The following NRXN1 variants were observed in gnomAD, a reference collection of about 807,000 sequenced individuals.
The protein encoded by NRXN1 is neurexin-1.
NRXN1 carries 39 observed loss-of-function variants against 150.9 expected under a neutral mutation model. The observed-to-expected ratio is 0.26, with a 90% CI of 0.20 to 0.34. The LOEUF (loss-of-function observed/expected upper bound fraction) is 0.34. NRXN1 is among the 10% of genes least tolerant of loss of function. NRXN1 has a pLI of 1.00. For synonymous variants in NRXN1, 924 were observed against 757.0 expected (o/e 1.22, Z -3.62); for missense variants, 1,815 against 1,949.9 (o/e 0.93, Z 1.30).
intron 18 of NRXN1, among the ~76,000 whole-genome samples, chr2:50,200,237 C>T (rs978690244): frequency 6.6e-6 from 1 of 152,136 alleles, no homozygotes; most frequent in Admixed American, 6.5e-5. Context: ...GCCTACTAGA[C>T]TTATTTCTTG....
At chr2:50,742,418 G>A (rs1699539183) in intron 5 of NRXN1, among the ~76,000 whole-genome samples, 1 of 151,516 alleles carries the variant, frequency 6.6e-6, no homozygotes, top group Non-Finnish European at 1.5e-5. Context: ...AAAGTCAGGG[G>A]CTCAAGACCA....
intron 17 of NRXN1, among the ~76,000 whole-genome samples, chr2:50,409,265 C>T (rs1315391150): frequency 6.6e-6 from 1 of 152,208 alleles, no homozygotes; most frequent in East Asian, 1.9e-4. Context: ...CCATTTACCC[C>T]ACCCTTCGAG....
At chr2:50,660,971 G>A (rs1340461675) in intron 5 of NRXN1, among the ~76,000 whole-genome samples, 1 of 151,988 alleles carries the variant, frequency 6.6e-6, no homozygotes, top group Non-Finnish European at 1.5e-5. Context: ...AAATATCATT[G>A]CAAGTTCTTT....
chr2:51,019,772 T>C (rs1669305322), intron 2 of NRXN1, among the ~76,000 whole-genome samples: 2 of 152,072 alleles, frequency 1.3e-5, no homozygotes, highest in Admixed American at 6.6e-5. Flanking sequence ...TAAGAACCTA[T>C]GTTTTATTTC....
chr2:50,884,743 T>G (rs1348490623), intron 5 of NRXN1, among the ~76,000 whole-genome samples: 2 of 151,602 alleles, frequency 1.3e-5, no homozygotes, highest in African/African-American at 4.8e-5. Context: ...TGCTTTAAAC[T>G]AAGTTGCAGT....
intron 12 of NRXN1, among the ~76,000 whole-genome samples, chr2:50,513,155 T>G (rs2092517486): frequency 6.6e-6 from 1 of 152,168 alleles, no homozygotes; most frequent in Non-Finnish European, 1.5e-5. Context: ...ATATAACAAA[T>G]CTAATGTGTT....
Position 50,166,584 on chromosome 2 carries a change from T to A in NRXN1, c.3546+70205A>T, listed in dbSNP as rs1016203093. ...CACAGACATGTGATCTACAGAAATG[T>A]AAGCTAAAAAAATATATGTGTTTTT... On this transcript the variant is annotated intron_variant, in intron 18 of 22. Transcript: ENST00000401669. Among the ~76,000 whole-genome samples, 95 of 151,840 alleles carry A rather than the reference T, an allele frequency of 6.3e-4. 1 individual carries two copies. The highest frequency in any genetic ancestry group is 2.3e-3 in the African/African-American group (93 of 41,166).
At chr2:50,374,367 C>T (rs566210100) in intron 17 of NRXN1, among the ~76,000 whole-genome samples, 32 of 151,628 alleles carry the variant, frequency 2.1e-4, no homozygotes, top group African/African-American at 7.5e-4. Flanking sequence ...CATTTGGCTT[C>T]CTTTTACTTG....
chr2:51,015,459 C>G (rs747969842), intron 2 of NRXN1, among the ~76,000 whole-genome samples: 20 of 151,820 alleles, frequency 1.3e-4, no homozygotes, highest in African/African-American at 7.3e-5. Context: ...TGTCTTGGGT[C>G]GAGGAGAAGG....
chr2:50,294,324 T>C (rs1398301876), intron 17 of NRXN1, among the ~76,000 whole-genome samples: 2 of 152,240 alleles, frequency 1.3e-5, no homozygotes, highest in South Asian at 2.1e-4. Flanking sequence ...GTTTCTGCTA[T>C]GCTTAAACAA....
chr2:50,504,811 AT>A (rs969077082), intron 13 of NRXN1, among the ~76,000 whole-genome samples: 3 of 152,236 alleles, frequency 2.0e-5, no homozygotes, highest in African/African-American at 7.2e-5. Flanking sequence ...TCAAAAGGCC[AT>A]TCTAGCACCA....
intron 21 of NRXN1, among the ~76,000 whole-genome samples, chr2:49,995,676 G>A (rs927024540): frequency 6.6e-6 from 1 of 151,018 alleles, no homozygotes; most frequent in African/African-American, 2.4e-5. Context: ...AGCTACTCGG[G>A]AGGCTGAGGC....
chr2:50,829,580 G>A lies in NRXN1; in HGVS notation c.832+92289C>T, dbSNP rs1671094231. 3.7e-6 allele frequency: 6 copies of A among 1,611,980 alleles called. No individual in the cohort carries two copies. In the Middle Eastern group the frequency reaches 6.6e-4, roughly 177 times the overall value. ...TTTTCTTAAACTGAAGGTCCATGTA[G>A]CCATCGTCTGTGCTGGAGAGCCTTG... On this transcript the variant is annotated intron_variant, in intron 5 of 22. Transcript: ENST00000401669.
At chr2:50,379,473 G>C (rs1355422641) in intron 17 of NRXN1, among the ~76,000 whole-genome samples, 2 of 152,152 alleles carry the variant, frequency 1.3e-5, no homozygotes, top group African/African-American at 4.8e-5. Flanking sequence ...CTCGCTTGCA[G>C]GTAGAGTATT....
intron 2 of NRXN1, among the ~76,000 whole-genome samples, chr2:50,998,830 T>C (rs750069550): frequency 6.6e-6 from 1 of 152,086 alleles, no homozygotes. Context: ...TTTGCACATA[T>C]AGTACAGTAT....
intron 18 of NRXN1, among the ~76,000 whole-genome samples, chr2:50,185,006 C>T (rs950657925): frequency 2.6e-5 from 4 of 152,036 alleles, no homozygotes; most frequent in Non-Finnish European, 4.4e-5. Flanking sequence ...TAGTATTACA[C>T]CTTTTATTTA....
chr2:50,160,093 A>T (rs2059269249), intron 18 of NRXN1, among the ~76,000 whole-genome samples: 1 of 152,068 alleles, frequency 6.6e-6, no homozygotes, highest in African/African-American at 2.4e-5. Flanking sequence ...ATTTAGCTAC[A>T]ATTCGGGCCA....
At chr2:50,792,318 G>C (rs1706164091) in intron 5 of NRXN1, among the ~76,000 whole-genome samples, 1 of 151,980 alleles carries the variant, frequency 6.6e-6, no homozygotes, top group Non-Finnish European at 1.5e-5. Context: ...ACTTTTATTT[G>C]TCTATTTTCT....
chr2:50,313,927 A>T (rs1161947294), intron 17 of NRXN1, among the ~76,000 whole-genome samples: 1 of 152,108 alleles, frequency 6.6e-6, no homozygotes, highest in Non-Finnish European at 1.5e-5. Flanking sequence ...TAAATATATT[A>T]GCATATAAGC....
Sources: allele counts gnomAD v4.1 joint callset (sites outside exome capture counted in the v4.1 genomes callset), GRCh38; gene constraint gnomAD v4.1.1; transcripts MANE v1.5; gene names NCBI Gene and HGNC (gene_info 2026-07-23, HGNC 2026-07-21).